The following CBFA2T3 variants were observed in gnomAD, a reference collection of about 807,000 sequenced individuals.
The protein encoded by CBFA2T3 is CBFA2/RUNX1 partner transcriptional co-repressor 3, also known as transcriptional corepressor CBFA2T3.
Under a neutral mutation model 58.6 loss-of-function variants are expected in CBFA2T3, and 31 were observed. The ratio of observed to expected loss-of-function variants is 0.53; its 90% CI spans 0.40 to 0.71. The LOEUF (loss-of-function observed/expected upper bound fraction) is 0.71, where lower values mean the gene tolerates loss of function less well. Among genes scored for constraint, CBFA2T3 ranks in the 30% least tolerant of loss-of-function variants. The probability of loss-of-function intolerance (pLI) is 0.00; values close to 1 mark genes in which losing one functional copy is unlikely to be tolerated. For synonymous variants in CBFA2T3, 531 were observed against 421.9 expected (o/e 1.26, Z -3.17); for missense variants, 1,076 against 963.1 (o/e 1.12, Z -1.55).
intron 1 of CBFA2T3, among the ~76,000 whole-genome samples, chr16:88,975,897 G>A (rs1474359147): frequency 1.3e-5 from 2 of 152,246 alleles, no homozygotes; most frequent in Admixed American, 6.5e-5. Context: ...CTCAGTGAGA[G>A]CCCCGCGAGA....
At chr16:88,954,375 ACCCCACCCAAGAC>A (rs1160998112) in intron 1 of CBFA2T3, among the ~76,000 whole-genome samples, 2 of 137,362 alleles carry the variant, frequency 1.5e-5, no homozygotes, top group Non-Finnish European at 1.5e-5. Context: ...AAGGCTCCTG[ACCCCACCCAAGAC>A]TCCTGACCCT....
chr16:88,905,730 A>AG (rs1439060563), intron 1 of CBFA2T3, among the ~76,000 whole-genome samples: 2 of 12,632 alleles, frequency 1.6e-4, no homozygotes, highest in South Asian at 5.2e-3. Flanking sequence ...GGGCTGAAGG[A>AG]GGGGCGGGAC....
chr16:88,902,332 G>T (rs1010354750), intron 1 of CBFA2T3: 4 of 152,414 alleles, frequency 2.6e-5, no homozygotes, highest in African/African-American at 9.6e-5. Flanking sequence ...TTGACTTCAG[G>T]ATGGCCGAGG....
chr16:88,974,385 A>G (rs773534167), intron 1 of CBFA2T3, among the ~76,000 whole-genome samples: 2 of 150,648 alleles, frequency 1.3e-5, no homozygotes, highest in Non-Finnish European at 2.9e-5. Flanking sequence ...GAAGGAGCCC[A>G]GGGAAGGGGT....
chr16:88,899,959 G>A (rs1270174509), intron 2 of CBFA2T3, among the ~76,000 whole-genome samples: 2 of 152,192 alleles, frequency 1.3e-5, no homozygotes, highest in Non-Finnish European at 2.9e-5. Flanking sequence ...CCAGACCGGA[G>A]GGCTCTTCCG....
chr16:88,903,691 T>TGG (rs199576024), intron 1 of CBFA2T3, among the ~76,000 whole-genome samples: 14,678 of 36,370 alleles, frequency 0.4, 1,876 homozygotes, highest in Middle Eastern at 0.45. Context: ...GGGGCATTCC[T>TGG]GGGGGGGGCG....
chr16:88,917,572 T>TA (rs1463778701), intron 1 of CBFA2T3, among the ~76,000 whole-genome samples: 2 of 152,118 alleles, frequency 1.3e-5, no homozygotes, highest in African/African-American at 4.8e-5. Context: ...CGTCGCTGTT[T>TA]AAAAAAATGT....
At chr16:88,891,018 C>T (rs1028139567) in intron 5 of CBFA2T3, among the ~76,000 whole-genome samples, 7 of 152,118 alleles carry the variant, frequency 4.6e-5, no homozygotes, top group Admixed American at 2.0e-4. Context: ...TGGGCCGGGC[C>T]GAGAGCCTGC....
At chr16:88,974,560 C>G (rs1233557771) in intron 1 of CBFA2T3, among the ~76,000 whole-genome samples, 1 of 152,202 alleles carries the variant, frequency 6.6e-6, no homozygotes, top group East Asian at 1.9e-4. Flanking sequence ...CAACACAGCC[C>G]TGCTCAGTAC....
intron 1 of CBFA2T3, among the ~76,000 whole-genome samples, chr16:88,972,996 T>C (rs973705365): frequency 3.3e-5 from 5 of 152,212 alleles, no homozygotes. Context: ...TCCCTGCCTC[T>C]GGCTGGAGCC....
In CBFA2T3 at chr16:88,967,462, C is replaced by T. The variant is rs114164612; in HGVS notation, c.151+9195G>A. Among the ~76,000 whole-genome samples, 1,462 of 152,076 alleles carry T rather than the reference C, an allele frequency of 9.6e-3. 23 individuals carry two copies. Among genetic ancestry groups the T allele is most frequent in the African/African-American group, 0.033 (1,371 of 41,490 alleles). ...TCAGTTTTCACAGATGTGCCGGAGA[C>T]GGGGACTGCTATTGCCCCATTTACC... On this transcript the variant is annotated intron_variant, in intron 1 of 11. Coordinates refer to ENST00000268679, the MANE Select transcript of CBFA2T3 (RefSeq NM_005187.6).
intron 8 of CBFA2T3, 52 bp from the exon 9 acceptor site, chr16:88,881,541 A>G: frequency 6.5e-7 from 1 of 1,546,662 alleles, no homozygotes; most frequent in African/African-American, 1.4e-5. Context: ...GGGACGCACC[A>G]GACACTCCCC....
chr16:88,921,200 C>G (rs926400289), intron 1 of CBFA2T3, among the ~76,000 whole-genome samples: 8 of 152,268 alleles, frequency 5.3e-5, no homozygotes, highest in Non-Finnish European at 8.8e-5. Flanking sequence ...ACAAGCCTGC[C>G]TCTGCCATTG....
chr16:88,885,102 C>A lies in CBFA2T3; in HGVS notation c.1061G>T (p.Arg354Leu). 6.2e-7 allele frequency: 1 copy of A among 1,602,418 alleles called. No homozygotes were observed. Among genetic ancestry groups the A allele is most frequent in the Middle Eastern group, 1.7e-4 (1 of 6,042 alleles). Residue 354 changes from arginine to leucine, a missense_variant, in exon 7 of 12, where the codon CGA (arginine) becomes CTA (leucine). Physicochemically the swap from Arg to Leu is moderately radical, Grantham distance 102 (BLOSUM62 -2). Coordinates refer to ENST00000268679, the MANE Select transcript of CBFA2T3 (RefSeq NM_005187.6). The surrounding 1 kb of genome is among the most constrained non-coding windows in gnomAD (Gnocchi z 5.3). ...GGGGTCTGGGTGGCGGTAGGCATCT[C>A]GGAAGTGGTGGGCCATGGCTATGTC... is the stretch of plus-strand genomic sequence containing the variant. ...LEDIAMAHHF[R>L]DAYRHPDPRE...
Position 88,877,047 on chromosome 16 carries a change from C to T in CBFA2T3, c.1891G>A (p.Ala631Thr), listed in dbSNP as rs1288234745. The T allele has an allele frequency of 1.3e-5, 19 of 1,515,848 alleles. No homozygotes were observed. Among genetic ancestry groups the T allele is most frequent in the Non-Finnish European group, 1.7e-5 (19 of 1,131,794 alleles). The allele number at this position is 1,515,848 out of a possible 1,614,324, so 93.9% of individuals were successfully genotyped here. ...LPVGAASPSE[A>T]GSAGPSRPGS... ...GGGCGAGAAGGCCCCGCAGAGCCGG[C>T]TTCGCTGGGGCTGGCAGCACCCACA... Residue 631 changes from alanine (A) to threonine (T), a missense_variant, in exon 12 of 12, where the codon GCC becomes ACC. Ala to Thr is a moderately conservative substitution (Grantham distance 58). Transcript: ENST00000268679.
At chr16:88,891,816 C>T in intron 5 of CBFA2T3, 66 bp downstream of exon 5, 1 of 1,127,362 alleles carries the variant, frequency 8.9e-7, no homozygotes, top group Non-Finnish European at 1.3e-6. Context: ...TCCACGCTGG[C>T]AAGGAGTGGG....
At chr16:88,934,170 G>A (rs1015831536) in intron 1 of CBFA2T3, among the ~76,000 whole-genome samples, 2 of 134,766 alleles carry the variant, frequency 1.5e-5, no homozygotes, top group Admixed American at 7.1e-5. Flanking sequence ...CGGAGGCACC[G>A]GCGAGAAGGG....
chr16:88,927,953 T>A (rs1190218837), intron 1 of CBFA2T3, among the ~76,000 whole-genome samples: 1 of 152,182 alleles, frequency 6.6e-6, no homozygotes, highest in Non-Finnish European at 1.5e-5. Context: ...TGGGGCGTCC[T>A]CTGAAGTGGG....
chr16:88,976,107 C>T (rs1179932096), intron 1 of CBFA2T3, among the ~76,000 whole-genome samples: 1 of 152,220 alleles, frequency 6.6e-6, no homozygotes, highest in African/African-American at 2.4e-5. Flanking sequence ...GAGCCCGAAG[C>T]CCCCAGAAGG....
Sources: allele counts gnomAD v4.1 joint callset (sites outside exome capture counted in the v4.1 genomes callset), GRCh38; gene constraint gnomAD v4.1.1; non-coding constraint Gnocchi (gnomAD v3.1); transcripts MANE v1.5; gene names NCBI Gene and HGNC (gene_info 2026-07-23, HGNC 2026-07-21).